CP: variants seen among roughly 807,000 people sequenced by gnomAD.
The protein encoded by CP is ceruloplasmin.
Under a neutral mutation model 122.4 loss-of-function variants are expected in CP, and 64 were observed. The ratio of observed to expected loss-of-function variants is 0.52; its 90% CI spans 0.43 to 0.64. The LOEUF is 0.64. CP is among the 30% of genes least tolerant of loss of function. The pLI, the probability that CP is intolerant of heterozygous loss-of-function variation, is 0.00. For missense variants in CP, 1,167 were observed against 1,284.4 expected, an observed-to-expected ratio of 0.91 and a Z score of 1.40; for synonymous variants, 440 against 436.4, an observed-to-expected ratio of 1.01 and a Z score of -0.10.
chr3:149,167,617 A>G (rs1379254920), downstream of CP, among the ~76,000 whole-genome samples: 6 of 152,074 alleles, frequency 3.9e-5, no homozygotes, highest in Non-Finnish European at 8.8e-5. Flanking sequence ...CACATAGGAG[A>G]TGATAACGGG....
chr3:149,178,325 C>T (rs1011697188), intron 16 of CP, 90 bp downstream of exon 16: 1 of 1,089,924 alleles, frequency 9.2e-7, no homozygotes, highest in Admixed American at 2.1e-5. Context: ...TATTTTAAGA[C>T]AAAACAAATG....
chr3:149,198,889 A>T (rs1488101646), intron 8 of CP, among the ~76,000 whole-genome samples: 1 of 152,248 alleles, frequency 6.6e-6, no homozygotes, highest in Non-Finnish European at 1.5e-5. Context: ...CTTGAAGGCA[A>T]GCACTGTCTC....
rs141201185 is a variant in CP at position 149,207,467 on chromosome 3, A to G, written c.932T>C (p.Ile311Thr). The G allele has an allele frequency of 6.2e-6, 10 of 1,613,908 alleles. No homozygotes were observed. The highest frequency in any genetic ancestry group is 2.7e-5 in the African/African-American group (2 of 74,916). The change falls in exon 5 of 19, where the codon ATT becomes ACT. Residue 311 changes from isoleucine to threonine, a missense_variant. Ile to Thr is a moderately conservative substitution (Grantham distance 89, BLOSUM62 -1). Coordinates refer to ENST00000264613, the MANE Select transcript of CP (RefSeq NM_000096.4). Reference sequence around the variant, plus strand: ...AGCAGGAAAGAGGTTGATTGTGTCAATACGGTAGTTCTTGTTAGTCAGTGC... The same window carrying G: ...AGCAGGAAAGAGGTTGATTGTGTCAGTACGGTAGTTCTTGTTAGTCAGTGC... ...GQALTNKNYR[I>T]DTINLFPATL...
Position 149,210,148 on chromosome 3 carries a change from CA to C in CP, c.607+18del. The C allele has an allele frequency of 6.2e-7, 1 of 1,611,330 alleles. No homozygotes were observed. Among genetic ancestry groups the C allele is most frequent in the South Asian group, 1.1e-5 (1 of 91,028 alleles). On this transcript the variant is annotated intron_variant, in intron 3 of 18. Transcript: ENST00000264613. ...CTGTCTTTTGGTCATATAGCATGTGCAATAAGGAGAAGATGTACCTTTTTTA... is the reference window on the plus strand; with the variant it reads ...CTGTCTTTTGGTCATATAGCATGTGCATAAGGAGAAGATGTACCTTTTTTA...
chr3:149,214,209 C>T (rs1728302509), intron 1 of CP, among the ~76,000 whole-genome samples: 1 of 152,140 alleles, frequency 6.6e-6, no homozygotes, highest in South Asian at 2.1e-4. Flanking sequence ...CAGGTCATAC[C>T]TGGAAGTGGC....
chr3:149,193,688 CA>C (rs1221687949), intron 9 of CP, among the ~76,000 whole-genome samples: 2 of 152,162 alleles, frequency 1.3e-5, no homozygotes, highest in Non-Finnish European at 2.9e-5. Flanking sequence ...TGCATTTAGA[CA>C]AGATAACCAT....
At chr3:149,219,458 T>C (rs1371558719) in intron 1 of CP, among the ~76,000 whole-genome samples, 1 of 152,168 alleles carries the variant, frequency 6.6e-6, no homozygotes, top group Non-Finnish European at 1.5e-5. Flanking sequence ...ATTGTTCTCA[T>C]GGTAGTGAAT....
intron 4 of CP, among the ~76,000 whole-genome samples, chr3:149,208,504 T>C (rs1727898092): frequency 6.6e-6 from 1 of 152,196 alleles, no homozygotes; most frequent in Admixed American, 6.5e-5. Context: ...TCTACTTTGG[T>C]AGTATCGTTA....
chr3:149,173,518 CATT>C lies in CP; in HGVS notation c.*193_*195del. 1 of 462,172 alleles carries C rather than the reference CATT, an allele frequency of 2.2e-6. No homozygotes were observed. The allele number at this position is 462,172 out of a possible 1,614,324, so 28.6% of individuals were successfully genotyped here. The stretch of plus-strand genomic sequence containing the variant: ...TAGTGTACAAGTGTCAGTCATGTAT[CATT>C]ATATAGTCTGTTGATCTTTCCATTT... On this transcript the variant is annotated 3_prime_UTR_variant, in exon 19 of 19. Coordinates refer to ENST00000264613, the MANE Select transcript of CP (RefSeq NM_000096.4).
rs550940911 is a variant in CP at position 149,201,988 on chromosome 3, C to T, written c.1348+114G>A. ...GCATTTTATTGTTTTATCTTCCACA[C>T]GCCTACTTAACACATAGAAATCATG... On this transcript the variant is annotated intron_variant, in intron 7 of 18. Coordinates refer to ENST00000264613, the MANE Select transcript of CP (RefSeq NM_000096.4). 4.2e-4 allele frequency: 559 copies of T among 1,318,730 alleles called. 1 individual carries two copies. Among genetic ancestry groups the T allele is most frequent in the Non-Finnish European group, 5.6e-4 (513 of 921,272 alleles). The allele number at this position is 1,318,730 out of a possible 1,614,324, so 81.7% of individuals were successfully genotyped here. A position where few individuals can be genotyped will look rare whatever the true frequency, so the allele number is the denominator to read the frequency against.
Position 149,212,716 on chromosome 3 carries a change from A to G in CP, c.147-18T>C, listed in dbSNP as rs1324995419. ...AATGTTCCCTGCAAAGAAAAACAAG[A>G]CAACTCTATCAGAAGCCATCATTTC... On this transcript the variant is annotated intron_variant, in intron 1 of 18. Coordinates refer to ENST00000264613, the MANE Select transcript of CP (RefSeq NM_000096.4). The G allele has an allele frequency of 3.7e-6, 6 of 1,612,388 alleles. No homozygotes were observed. The highest frequency in any genetic ancestry group is 1.7e-5 in the Admixed American group (1 of 59,978).
rs993859736 is a variant in CP, at chr3:149,202,025, G to A, written c.1348+77C>T. On this transcript the variant is annotated intron_variant, in intron 7 of 18. Transcript: ENST00000264613. ...ACATAGAAATCATGCAGTAGGTCCT[G>A]AAGTTACTATTCTTTCTGAGGTTGA... 22 of 1,580,626 alleles carry A rather than the reference G, an allele frequency of 1.4e-5. No homozygotes were observed. In the African/African-American group the frequency reaches 1.7e-4, roughly 13 times the overall value.
At chr3:149,197,181 G>A (rs564897774) in intron 9 of CP, among the ~76,000 whole-genome samples, 120 of 152,116 alleles carry the variant, frequency 7.9e-4, no homozygotes, top group African/African-American at 2.8e-3. Context: ...GACTCAGCCC[G>A]CCTGCACCCG....
At chr3:149,162,603 A>T (rs536073694) in exon 6 of CP, 2 of 1,366,434 alleles carry the variant, frequency 1.5e-6, no homozygotes, top group South Asian at 1.2e-5. Flanking sequence ...TGCGTGGCCC[A>T]TGTGATGCTG....
intron 14 of CP, among the ~76,000 whole-genome samples, chr3:149,181,267 T>C (rs1320431781): frequency 6.6e-6 from 1 of 152,154 alleles, no homozygotes; most frequent in Non-Finnish European, 1.5e-5. Context: ...TTGCTGCTGC[T>C]CACACACACC....
At chr3:149,215,141 G>T (rs1559961931) in intron 1 of CP, among the ~76,000 whole-genome samples, 1 of 152,184 alleles carries the variant, frequency 6.6e-6, no homozygotes, top group Admixed American at 6.5e-5. Context: ...AAAGTTAAAA[G>T]TTAGCCCTCA....
chr3:149,177,327 A>G (rs1483222949), intron 17 of CP, among the ~76,000 whole-genome samples: 1 of 152,162 alleles, frequency 6.6e-6, no homozygotes, highest in African/African-American at 2.4e-5. Flanking sequence ...CTCCATGAAA[A>G]TTCAGTTAAA....
chr3:149,202,479 G>C (rs1350897758), intron 6 of CP, among the ~76,000 whole-genome samples: 1 of 151,878 alleles, frequency 6.6e-6, no homozygotes, highest in Non-Finnish European at 1.5e-5. Flanking sequence ...TTCAAGTGAA[G>C]AGAAAATTTT....
intron 7 of CP, 30 bp downstream of exon 7, chr3:149,202,072 A>T (rs200109767): frequency 3.2e-5 from 51 of 1,613,538 alleles, no homozygotes; most frequent in Non-Finnish European, 4.2e-5. Context: ...GGAAGAGTAA[A>T]CCAGCCATAT....
Sources: allele counts gnomAD v4.1 joint callset (sites outside exome capture counted in the v4.1 genomes callset), GRCh38; gene constraint gnomAD v4.1.1; transcripts MANE v1.5; gene names NCBI Gene and HGNC (gene_info 2026-07-23, HGNC 2026-07-21).